GMCL1: variants seen among roughly 807,000 people sequenced by gnomAD.
GMCL1 encodes germ cell-less 1, spermatogenesis associated, also known as germ cell-less protein-like 1.
A neutral mutation model predicts 75.5 loss-of-function variants in GMCL1; 54 were observed. That is an observed-to-expected ratio of 0.71 (90% confidence interval 0.57 to 0.90). The LOEUF (loss-of-function observed/expected upper bound fraction) is 0.90. Ranked by LOEUF, GMCL1 falls within the 40% of genes least tolerant of loss-of-function variation. The probability of loss-of-function intolerance (pLI) is 0.00; values close to 1 mark genes in which losing one functional copy is unlikely to be tolerated. For synonymous variants in GMCL1, 210 were observed against 209.6 expected, an observed-to-expected ratio of 1.00 and a Z score of -0.02; for missense variants, 537 against 622.7, an observed-to-expected ratio of 0.86 and a Z score of 1.47.
intron 13 of GMCL1, among the ~76,000 whole-genome samples, chr2:69,874,477 G>A (rs1292089352): frequency 6.6e-6 from 1 of 151,970 alleles, no homozygotes; most frequent in African/African-American, 2.4e-5. Flanking sequence ...TTGAACTTCT[G>A]GCCTCAAGTA....
chr2:69,830,276 G>A, intron 1 of GMCL1, 124 bp downstream of exon 1: 1 of 1,283,918 alleles, frequency 7.8e-7, no homozygotes, highest in South Asian at 1.5e-5. Flanking sequence ...ACGTGCCCTT[G>A]ACAGGGTGAA....
intron 9 of GMCL1, among the ~76,000 whole-genome samples, chr2:69,857,357 A>G (rs1433465467): frequency 6.6e-6 from 1 of 152,156 alleles, no homozygotes; most frequent in Non-Finnish European, 1.5e-5. Context: ...AGATCATCCT[A>G]CAGCTTTTGT....
At chr2:69,843,107 C>G in intron 4 of GMCL1, 42 bp from the exon 5 acceptor site, 1 of 1,020,082 alleles carries the variant, frequency 9.8e-7, no homozygotes, top group Non-Finnish European at 1.5e-6. Context: ...CTAATTTTTC[C>G]CACGTGAAAT....
chr2:69,877,305 T>G (rs1313408066), intron 13 of GMCL1, among the ~76,000 whole-genome samples: 1 of 152,238 alleles, frequency 6.6e-6, no homozygotes. Context: ...GGTGTATCCA[T>G]TCAGCCAAGT....
chr2:69,835,215 AAAAC>A lies in GMCL1; in HGVS notation c.261-2323_261-2320del, dbSNP rs541885028. 2.1e-3 allele frequency among the ~76,000 whole-genome samples: 325 copies of A among 152,260 alleles called. 2 individuals carry two copies. Among genetic ancestry groups the A allele is most frequent in the Middle Eastern group, 6.8e-3 (2 of 294 alleles). ...GAAGGATCACCCAACATGAGGAAGA[AAAAC>A]AAACAAACTATTCTTTGGTTTATTT... On this transcript the variant is annotated intron_variant, in intron 1 of 13. Transcript: ENST00000282570.
At chr2:69,830,308 G>A (rs1674635827) in intron 1 of GMCL1, among the ~76,000 whole-genome samples, 156 bp downstream of exon 1, 1 of 152,236 alleles carries the variant, frequency 6.6e-6, no homozygotes, top group Admixed American at 6.5e-5. Context: ...GCCCGATGCG[G>A]GGCGGACTGG....
intron 12 of GMCL1, among the ~76,000 whole-genome samples, chr2:69,871,391 A>C (rs1675977192): frequency 1.3e-5 from 2 of 152,192 alleles, no homozygotes; most frequent in Non-Finnish European, 2.9e-5. Flanking sequence ...GTTAGTGTTT[A>C]ATGGGTAAGG....
chr2:69,864,590 CTTTTT>C (rs534389389), intron 10 of GMCL1, among the ~76,000 whole-genome samples: 27 of 88,350 alleles, frequency 3.1e-4, no homozygotes, highest in East Asian at 1.1e-3. Context: ...TAGACTTTTA[CTTTTT>C]TTTTTTTTTT....
chr2:69,850,886 T>C (rs978601222), intron 8 of GMCL1, among the ~76,000 whole-genome samples: 1 of 152,206 alleles, frequency 6.6e-6, no homozygotes, highest in Non-Finnish European at 1.5e-5. Context: ...GTTTTAGTTG[T>C]TATGGAACTA....
At chr2:69,869,552 A>T in intron 11 of GMCL1, 167 bp from the exon 12 acceptor site, 1 of 577,450 alleles carries the variant, frequency 1.7e-6, no homozygotes, top group Non-Finnish European at 3.0e-6. Flanking sequence ...TAGCTTAGAT[A>T]AATAGTTTTG....
chr2:69,857,682 T>A (rs1248050155), intron 9 of GMCL1, among the ~76,000 whole-genome samples: 1 of 152,212 alleles, frequency 6.6e-6, no homozygotes, highest in East Asian at 1.9e-4. Context: ...ACCTAGATAC[T>A]CTATACAGAA....
At chr2:69,869,624 G>T in intron 11 of GMCL1, 95 bp from the exon 12 acceptor site, 2 of 1,237,910 alleles carry the variant, frequency 1.6e-6, no homozygotes, top group Non-Finnish European at 2.3e-6. Flanking sequence ...GGAAATACTT[G>T]GAATGAGTTA....
chr2:69,842,725 A>G (rs1317634749), intron 4 of GMCL1: 1 of 152,308 alleles, frequency 6.6e-6, no homozygotes, highest in Non-Finnish European at 1.5e-5. Flanking sequence ...AAACTTGATC[A>G]CTTTCTGCTA....
At chr2:69,859,026 A>G (rs1675561293) in intron 9 of GMCL1, among the ~76,000 whole-genome samples, 1 of 151,688 alleles carries the variant, frequency 6.6e-6, no homozygotes, top group Non-Finnish European at 1.5e-5. Context: ...CATGCCTGTA[A>G]TCCCAGCTAC....
In GMCL1 at chr2:69,829,705, G is replaced by A. The variant is rs968723014; in HGVS notation, c.-188G>A. The A allele has an allele frequency of 3.1e-6, 2 of 638,034 alleles. No individual in the cohort carries two copies. Among genetic ancestry groups the A allele is most frequent in the Non-Finnish European group, 5.2e-6 (2 of 385,476 alleles). 39.5% of individuals were successfully genotyped at this position (638,034 alleles called of 1,614,324 possible). A position where few individuals can be genotyped will look rare whatever the true frequency, so the allele number is the denominator to read the frequency against. ...GGGCGAGGTGCTGCGGTGCTAGAGCGCGGCGCGACCGGACGCTGCGGGCGG... is the reference window on the plus strand; with the variant it reads ...GGGCGAGGTGCTGCGGTGCTAGAGCACGGCGCGACCGGACGCTGCGGGCGG... On this transcript the variant is annotated 5_prime_UTR_variant, in exon 1 of 14. Transcript: ENST00000282570.
chr2:69,869,520 T>G, intron 11 of GMCL1, 199 bp from the exon 12 acceptor site: 2 of 505,474 alleles, frequency 4.0e-6, no homozygotes, highest in Non-Finnish European at 7.0e-6. Flanking sequence ...TAGAGAATTA[T>G]GATCATTAAG....
chr2:69,861,998 A>G (rs56222989), intron 10 of GMCL1, among the ~76,000 whole-genome samples: 31,519 of 152,056 alleles, frequency 0.21, 3,423 homozygotes, highest in African/African-American at 0.25. Context: ...AGTGAGACTC[A>G]GTCTCAAAAA....
At chr2:69,849,866 C>A in intron 8 of GMCL1, 124 bp downstream of exon 8, 1 of 518,242 alleles carries the variant, frequency 1.9e-6, no homozygotes. Context: ...TGTTTATAGA[C>A]TTAATTTTAG....
intron 13 of GMCL1, among the ~76,000 whole-genome samples, chr2:69,878,663 T>G (rs1439019730): frequency 6.6e-6 from 1 of 152,166 alleles, no homozygotes; most frequent in African/African-American, 2.4e-5. Context: ...GATAGCTGGC[T>G]TTGCAAAACC....
Sources: allele counts gnomAD v4.1 joint callset (sites outside exome capture counted in the v4.1 genomes callset), GRCh38; gene constraint gnomAD v4.1.1; transcripts MANE v1.5; gene names NCBI Gene and HGNC (gene_info 2026-07-23, HGNC 2026-07-21).